Variants in HECW2 observed in about 807,000 individuals in gnomAD.
HECW2 encodes the protein HECT, C2 and WW domain containing E3 ubiquitin protein ligase 2, also known as E3 ubiquitin-protein ligase HECW2.
In HECW2, 61 loss-of-function variants were observed where a neutral mutation model predicts 175.2. The ratio of observed to expected loss-of-function variants is 0.35; its 90% CI spans 0.28 to 0.43. HECW2 has a LOEUF of 0.43. Ranked by LOEUF, HECW2 falls within the 20% of genes least tolerant of loss-of-function variation. The pLI is 1.00. For synonymous variants in HECW2, 671 were observed against 731.0 expected, an observed-to-expected ratio of 0.92 and a Z score of 1.32; for missense variants, 1,524 against 2,000.5, an observed-to-expected ratio of 0.76 and a Z score of 4.54.
chr2:196,477,495 A>G (rs1686686217), intron 1 of HECW2, among the ~76,000 whole-genome samples: 1 of 152,184 alleles, frequency 6.6e-6, no homozygotes, highest in Non-Finnish European at 1.5e-5. Flanking sequence ...TACATAATGC[A>G]TTTTTCCTCA....
intron 1 of HECW2, among the ~76,000 whole-genome samples, chr2:196,562,086 T>C (rs557001086): frequency 5.9e-5 from 9 of 152,334 alleles, no homozygotes; most frequent in Non-Finnish European, 1.0e-4. Flanking sequence ...AACACTCTTG[T>C]AGCCAAGAAT....
At chr2:196,517,846 G>T (rs951572669) in intron 1 of HECW2, among the ~76,000 whole-genome samples, 8 of 152,158 alleles carry the variant, frequency 5.3e-5, no homozygotes, top group African/African-American at 1.9e-4. Context: ...TCAGGATACA[G>T]CAGCTCACCA....
At chr2:196,468,877 G>A (rs894917392) in intron 1 of HECW2, among the ~76,000 whole-genome samples, 13 of 152,176 alleles carry the variant, frequency 8.5e-5, no homozygotes, top group African/African-American at 3.1e-4. Flanking sequence ...CAGTGTTGTT[G>A]AGATTTTTCC....
chr2:196,319,691 G>A lies in HECW2; in HGVS notation c.1199C>T (p.Thr400Ile). 3 of 1,614,220 alleles carry A rather than the reference G, an allele frequency of 1.9e-6. No homozygotes were observed. The highest frequency in any genetic ancestry group is 2.5e-6 in the Non-Finnish European group (3 of 1,180,040). The change falls in exon 9 of 29, where the codon ACC becomes ATC. Residue 400 changes from threonine to isoleucine, a missense_variant. Physicochemically the swap from Thr to Ile is moderately conservative, Grantham distance 89. Around this residue, in one of 11 missense-constraint regions of HECW2, gnomAD observed 604 missense variants for 588.3 expected, o/e 1.03. Transcript: ENST00000644978. ...AGGTGAGGTCCTTGAAGACGTAGAG[G>A]TTAATTCCTCTGTGTCTATTTCCAG... Reference protein sequence around the residue: ...STLEIDTEELTSTSSRTSPPR... With the variant: ...STLEIDTEELISTSSRTSPPR...
At chr2:196,548,329 CAA>C (rs567517422) in intron 1 of HECW2, among the ~76,000 whole-genome samples, 9 of 73,866 alleles carry the variant, frequency 1.2e-4, no homozygotes, top group Admixed American at 1.7e-4. Context: ...GACTCCATCT[CAA>C]AAAAAAAAAA....
chr2:196,268,895 T>G (rs920549244), intron 17 of HECW2, among the ~76,000 whole-genome samples: 1 of 152,202 alleles, frequency 6.6e-6, no homozygotes, highest in Non-Finnish European at 1.5e-5. Context: ...GTTTCTGCAA[T>G]TTTTTAGAAC....
chr2:196,194,327 C>T lies in HECW2; in HGVS notation c.*6950G>A, dbSNP rs1686620701. The T allele has an allele frequency of 6.6e-6, 1 of 151,940 alleles. No homozygotes were observed. The highest frequency in any genetic ancestry group is 2.1e-4 in the South Asian group (1 of 4,832). The allele number at this position is 151,940 out of a possible 1,614,324, so 9.4% of individuals were successfully genotyped here. On this transcript the variant is annotated 3_prime_UTR_variant, in exon 29 of 29. Transcript: ENST00000644978. ...ATCTCTACTTCTATTCTCCTCCCTT[C>T]TGAGTTTTCCCTCCCCAAAAGTATT...
At chr2:196,559,322 G>A (rs1237209862) in intron 1 of HECW2, among the ~76,000 whole-genome samples, 2 of 152,152 alleles carry the variant, frequency 1.3e-5, no homozygotes, top group Non-Finnish European at 2.9e-5. Context: ...TACCTGACAT[G>A]TCCACCCTTC....
chr2:196,278,827 T>A, intron 14 of HECW2, 165 bp from the exon 15 acceptor site: 1 of 696,242 alleles, frequency 1.4e-6, no homozygotes. Flanking sequence ...ACAGGACAGA[T>A]CAGATTAGAG....
In HECW2 at chr2:196,498,754, G is replaced by A. The variant is rs1687479578; in HGVS notation, c.-35-65296C>T. ...AACTCTAACCAGTCATTGTTTTATA[G>A]CTTGCCTTTTTTGTAACTGCTTACT... On this transcript the variant is annotated intron_variant, in intron 1 of 28. Coordinates refer to ENST00000644978, the MANE Select transcript of HECW2 (RefSeq NM_001348768.2). 3.3e-5 allele frequency among the ~76,000 whole-genome samples: 5 copies of A among 152,156 alleles called. No homozygotes were observed. In the South Asian group the frequency reaches 1.0e-3, roughly 32 times the overall value.
chr2:196,257,761 A>G lies in HECW2; in HGVS notation c.3419+62T>C, dbSNP rs1689119174. ...GAATATTGGCATATTATTTTCTACA[A>G]TGTTCCATGATATCTGATGACAAGA... On this transcript the variant is annotated intron_variant, in intron 18 of 28. Coordinates refer to ENST00000644978, the MANE Select transcript of HECW2 (RefSeq NM_001348768.2). 10 of 1,135,948 alleles carry G rather than the reference A, an allele frequency of 8.8e-6. No individual in the cohort carries two copies. In the Admixed American group the frequency reaches 1.6e-4, roughly 18 times the overall value. The allele number at this position is 1,135,948 out of a possible 1,614,324, so 70.4% of individuals were successfully genotyped here. A position where few individuals can be genotyped will look rare whatever the true frequency, so the allele number is the denominator to read the frequency against.
At chr2:196,214,506 G>C (rs775254469) in intron 28 of HECW2, among the ~76,000 whole-genome samples, 2 of 152,174 alleles carry the variant, frequency 1.3e-5, no homozygotes, top group Non-Finnish European at 2.9e-5. Context: ...TAAATCTGTT[G>C]ATTTATGTGT....
At chr2:196,553,317 A>T (rs1432272107) in intron 1 of HECW2, among the ~76,000 whole-genome samples, 1 of 152,160 alleles carries the variant, frequency 6.6e-6, no homozygotes, top group African/African-American at 2.4e-5. Flanking sequence ...AAAGGCAAAA[A>T]CTTGTCTATA....
At chr2:196,262,076 A>T (rs186879726) in intron 17 of HECW2, among the ~76,000 whole-genome samples, 1 of 152,338 alleles carries the variant, frequency 6.6e-6, no homozygotes, top group East Asian at 1.9e-4. Context: ...CCCAGTCTAG[A>T]GTGCAGTGGT....
intron 1 of HECW2, among the ~76,000 whole-genome samples, chr2:196,456,678 G>T (rs1196306827): frequency 1.3e-5 from 2 of 152,136 alleles, no homozygotes; most frequent in African/African-American, 4.8e-5. Context: ...GGTCCAGATG[G>T]TCTTCTTTTT....
At chr2:196,396,766 A>G (rs1309358462) in intron 2 of HECW2, among the ~76,000 whole-genome samples, 5 of 152,138 alleles carry the variant, frequency 3.3e-5, no homozygotes, top group African/African-American at 1.2e-4. Flanking sequence ...CAGTTCCAGC[A>G]AACTATTGTC....
chr2:196,400,695 G>A (rs576959560), intron 2 of HECW2, among the ~76,000 whole-genome samples: 173 of 151,772 alleles, frequency 1.1e-3, no homozygotes, highest in Non-Finnish European at 2.1e-3. Context: ...ACATCATCTT[G>A]TTCCAGAAAG....
intron 10 of HECW2, among the ~76,000 whole-genome samples, chr2:196,314,092 G>A (rs904718736): frequency 5.3e-5 from 8 of 152,188 alleles, no homozygotes; most frequent in African/African-American, 1.9e-4. Context: ...AGAGTGACCT[G>A]CACAGAGAGG....
chr2:196,376,250 G>T (rs773592910), intron 2 of HECW2, among the ~76,000 whole-genome samples: 6 of 152,076 alleles, frequency 3.9e-5, no homozygotes, highest in Admixed American at 2.6e-4. Context: ...GAGATACTAA[G>T]AATATAATAG....
Sources: gnomAD v4.1 joint callset for allele counts (sites outside exome capture counted in the v4.1 genomes callset) on GRCh38, gnomAD v4.1.1 for gene constraint, gnomAD v4.1.1 regional missense constraint, MANE v1.5 for transcripts, NCBI Gene and HGNC (gene_info 2026-07-23, HGNC 2026-07-21) for gene names.